The following TGFB2 variants were observed in gnomAD, a reference collection of about 807,000 sequenced individuals.
The protein encoded by TGFB2 is transforming growth factor beta 2, also known as transforming growth factor beta-2 proprotein.
Under a neutral mutation model 42.7 loss-of-function variants are expected in TGFB2, and 13 were observed. The ratio of observed to expected loss-of-function variants is 0.30; its 90% CI spans 0.20 to 0.48. TGFB2 has a LOEUF of 0.48. TGFB2 is among the 20% of genes least tolerant of loss of function. The pLI is 0.99. For missense variants in TGFB2, 390 were observed against 517.5 expected, an observed-to-expected ratio of 0.75 and a Z score of 2.39; for synonymous variants, 193 against 193.6, an observed-to-expected ratio of 1.00 and a Z score of 0.03.
At chr1:218,396,541 CT>C (rs542373636) in intron 1 of TGFB2, among the ~76,000 whole-genome samples, 411 of 142,184 alleles carry the variant, frequency 2.9e-3, no homozygotes, top group African/African-American at 3.8e-3. Flanking sequence ...TGTTTGGTTT[CT>C]TTTTTTTTTT....
chr1:218,441,624 T>C lies in TGFB2; in HGVS notation c.*262T>C. The C allele has an allele frequency of 3.4e-6, 1 of 293,250 alleles. No individual in the cohort carries two copies. The highest frequency in any genetic ancestry group is 6.4e-5 in the East Asian group (1 of 15,676). The allele number at this position is 293,250 out of a possible 1,614,324, so 18.2% of individuals were successfully genotyped here. A position where few individuals can be genotyped will look rare whatever the true frequency, so the allele number is the denominator to read the frequency against. On this transcript the variant is annotated 3_prime_UTR_variant, in exon 7 of 7. Transcript: ENST00000366930. ...AAGTGAGAGAGACAAGAAGCAAATT[T>C]TTTTTAAAGAAAAAAATAAACACTG...
At chr1:218,433,368 A>G (rs1296109229) in intron 2 of TGFB2, among the ~76,000 whole-genome samples, 1 of 152,182 alleles carries the variant, frequency 6.6e-6, no homozygotes, top group Non-Finnish European at 1.5e-5. Context: ...CCAGCCTGAG[A>G]TAAATACATC....
chr1:218,421,826 T>A (rs1659464246), intron 2 of TGFB2, among the ~76,000 whole-genome samples: 1 of 152,080 alleles, frequency 6.6e-6, no homozygotes, highest in Non-Finnish European at 1.5e-5. Context: ...GAAGACTCAG[T>A]CACAGGGAGC....
At chr1:218,374,840 T>C (rs1287093398) in intron 1 of TGFB2, among the ~76,000 whole-genome samples, 1 of 152,174 alleles carries the variant, frequency 6.6e-6, no homozygotes, top group East Asian at 1.9e-4. Flanking sequence ...ACTGGAGTTA[T>C]AAAGGGACAT....
intron 1 of TGFB2, among the ~76,000 whole-genome samples, chr1:218,380,117 A>C (rs899717258): frequency 2.0e-5 from 3 of 152,216 alleles, no homozygotes; most frequent in Non-Finnish European, 2.9e-5. Context: ...AAGCTGTGAG[A>C]TAGTAGAGCT....
intron 1 of TGFB2, among the ~76,000 whole-genome samples, chr1:218,377,306 T>G (rs1221517755): frequency 6.6e-6 from 1 of 152,218 alleles, no homozygotes; most frequent in Non-Finnish European, 1.5e-5. Context: ...CTTTAGCTGG[T>G]ACAGGACAGA....
chr1:218,419,315 T>C (rs1431418334), intron 2 of TGFB2, among the ~76,000 whole-genome samples: 1 of 152,148 alleles, frequency 6.6e-6, no homozygotes, highest in Admixed American at 6.5e-5. Flanking sequence ...CAACTACCCA[T>C]ATGGTTGGTT....
Position 218,434,405 on chromosome 1 carries a change from C to T in TGFB2, c.711C>T (p.Tyr237=), listed in dbSNP as rs1381519400. The change falls in exon 4 of 7, where the codon TAC becomes TAT. Residue 237 remains tyrosine, a synonymous_variant. Coordinates refer to ENST00000366930, the MANE Select transcript of TGFB2 (RefSeq NM_003238.6). The stretch of plus-strand genomic sequence containing the variant: ...GCACTTTTGTACCATCTAATAATTA[C>T]ATCATCCCAAATAAAAGTGAAGAAC... ...PCCTFVPSNN[Y]IIPNKSEELE... The T allele has an allele frequency of 6.2e-7, 1 of 1,613,842 alleles. No homozygotes were observed. The highest frequency in any genetic ancestry group is 1.7e-5 in the Admixed American group (1 of 60,016).
intron 1 of TGFB2, among the ~76,000 whole-genome samples, chr1:218,385,635 G>A (rs886688329): frequency 6.6e-6 from 1 of 152,214 alleles, no homozygotes; most frequent in African/African-American, 2.4e-5. Context: ...CACAGAGGGT[G>A]TCTTTGGCTG....
chr1:218,371,577 G>T (rs1299471961), intron 1 of TGFB2, among the ~76,000 whole-genome samples: 1 of 152,162 alleles, frequency 6.6e-6, no homozygotes, highest in Non-Finnish European at 1.5e-5. Context: ...AGCAAGTCCT[G>T]ATACGTTATA....
At position 218,444,287 on chromosome 1, in the gene TGFB2, A is replaced by C. The variant is rs1354335821; in HGVS notation, c.*2925A>C. The C allele has an allele frequency of 6.6e-6, 1 of 152,210 alleles. No homozygotes were observed. Among genetic ancestry groups the C allele is most frequent in the Non-Finnish European group, 1.5e-5 (1 of 68,054 alleles). 9.4% of individuals were successfully genotyped at this position (152,210 alleles called of 1,614,324 possible). On this transcript the variant is annotated 3_prime_UTR_variant, in exon 7 of 7. Coordinates refer to ENST00000366930, the MANE Select transcript of TGFB2 (RefSeq NM_003238.6). Reference sequence around the variant, plus strand: ...CTTGACTGCCGACCAGAAAAAATGCAGAGAGATGTTTGCACCATGCTTTGG... The same window carrying C: ...CTTGACTGCCGACCAGAAAAAATGCCGAGAGATGTTTGCACCATGCTTTGG...
At chr1:218,408,370 G>A (rs1658982969) in intron 2 of TGFB2, among the ~76,000 whole-genome samples, 4 of 152,162 alleles carry the variant, frequency 2.6e-5, no homozygotes, top group Admixed American at 2.6e-4. Context: ...TGACGCAAGT[G>A]ACATGATGTG....
chr1:218,432,634 A>G (rs553469610), intron 2 of TGFB2, among the ~76,000 whole-genome samples: 4 of 152,344 alleles, frequency 2.6e-5, no homozygotes, highest in African/African-American at 9.6e-5. Context: ...GGTTTAAAGG[A>G]TAGTTAATAA....
At chr1:218,359,388 A>G (rs1415443519) in intron 1 of TGFB2, among the ~76,000 whole-genome samples, 1 of 152,214 alleles carries the variant, frequency 6.6e-6, no homozygotes, top group African/African-American at 2.4e-5. Flanking sequence ...TCGGATCTCT[A>G]AACTAAGTCC....
chr1:218,360,325 A>G (rs1454944742), intron 1 of TGFB2, among the ~76,000 whole-genome samples: 1 of 152,230 alleles, frequency 6.6e-6, no homozygotes, highest in Non-Finnish European at 1.5e-5. Context: ...CAGTTAATTA[A>G]CTTCCTAGTC....
At chr1:218,440,751 T>G (rs758676994) in intron 6 of TGFB2, among the ~76,000 whole-genome samples, 31 of 152,210 alleles carry the variant, frequency 2.0e-4, no homozygotes, top group Non-Finnish European at 3.5e-4. Flanking sequence ...GAGTTCCTGA[T>G]CTGGAGGGAG....
intron 2 of TGFB2, among the ~76,000 whole-genome samples, chr1:218,431,434 G>A (rs1050777681): frequency 2.0e-5 from 3 of 152,018 alleles, no homozygotes; most frequent in African/African-American, 4.8e-5. Context: ...TTATTTGGTC[G>A]ATATGGCCAT....
intron 2 of TGFB2, among the ~76,000 whole-genome samples, chr1:218,428,309 CT>C (rs1385814439): frequency 1.2e-4 from 18 of 152,230 alleles, no homozygotes; most frequent in African/African-American, 3.9e-4. Flanking sequence ...ATGGTAGTTT[CT>C]TTTTGCTGTG....
chr1:218,411,416 G>A (rs552106612), intron 2 of TGFB2, among the ~76,000 whole-genome samples: 1 of 152,200 alleles, frequency 6.6e-6, no homozygotes, highest in African/African-American at 2.4e-5. Context: ...GCCTATGCTT[G>A]GAACTTCAGT....
Sources: gnomAD v4.1 joint callset for allele counts (sites outside exome capture counted in the v4.1 genomes callset) on GRCh38, gnomAD v4.1.1 for gene constraint, MANE v1.5 for transcripts, NCBI Gene and HGNC (gene_info 2026-07-23, HGNC 2026-07-21) for gene names.